SNAP47: variants seen among roughly 807,000 people sequenced by gnomAD.
SNAP47 encodes the protein synaptosomal-associated protein 47.
SNAP47 carries 20 observed loss-of-function variants against 31.4 expected under a neutral mutation model. That is an observed-to-expected ratio of 0.64 (90% CI 0.45 to 0.93). The LOEUF is 0.93. SNAP47 is among the 40% of genes least tolerant of loss of function. SNAP47 has a pLI of 0.00. For missense variants in SNAP47, 492 were observed against 528.5 expected, an observed-to-expected ratio of 0.93 and a Z score of 0.68; for synonymous variants, 194 against 213.4, an observed-to-expected ratio of 0.91 and a Z score of 0.79.
chr1:227,736,983 A>G (rs1045809104), intron 1 of SNAP47, among the ~76,000 whole-genome samples: 11 of 152,212 alleles, frequency 7.2e-5, no homozygotes, highest in African/African-American at 2.7e-4. Context: ...GCTCAGGGCC[A>G]AGGCCGTTTT....
rs1422468564 is a variant in SNAP47 at position 227,741,396 on chromosome 1, G to A, written c.-46+5897G>A. Among the ~76,000 whole-genome samples the A allele has an allele frequency of 6.6e-6, 1 of 152,162 alleles. No homozygotes were observed. The highest frequency in any genetic ancestry group is 1.9e-4 in the East Asian group (1 of 5,196). The stretch of plus-strand genomic sequence containing the variant: ...AGGGTAGTGGCCAGGGAGCCAGGGT[G>A]CAGTGACTCTCAGCAAGGCCCCTTG... On this transcript the variant is annotated intron_variant, in intron 1 of 4. Coordinates refer to ENST00000617596, the MANE Select transcript of SNAP47 (RefSeq NM_053052.4). This position sits in a 1 kb window ranked among gnomAD's most constrained non-coding sequence, Gnocchi z 4.2.
At chr1:227,734,867 C>G, upstream of SNAP47, 1 of 1,606,870 alleles carries the variant, frequency 6.2e-7, no homozygotes, top group Non-Finnish European at 8.5e-7. Flanking sequence ...CGTCCTCACT[C>G]CAAACCGTCT....
At chr1:227,740,253 C>T (rs185558295) in intron 1 of SNAP47, among the ~76,000 whole-genome samples, 123 of 152,280 alleles carry the variant, frequency 8.1e-4, no homozygotes, top group African/African-American at 2.7e-3. Flanking sequence ...CAGGGGAAGG[C>T]CAGGGCAGGG....
chr1:227,769,052 C>T (rs1558212274), intron 4 of SNAP47, among the ~76,000 whole-genome samples: 2 of 152,198 alleles, frequency 1.3e-5, no homozygotes, highest in Non-Finnish European at 1.5e-5. Flanking sequence ...TCACGTGTGG[C>T]GTGTTCTTCA....
At position 227,775,435 on chromosome 1, in the gene SNAP47, C is replaced by T. The variant is rs114176834; in HGVS notation, c.1114-5092C>T. On this transcript the variant is annotated intron_variant, in intron 4 of 4. Coordinates refer to ENST00000617596, the MANE Select transcript of SNAP47 (RefSeq NM_053052.4). The stretch of plus-strand genomic sequence containing the variant: ...AGCCCAGCTAACAGCAGACTGCTCT[C>T]GGTGCTTGGCTTGGTACGGTGATGT... 4.4e-3 allele frequency among the ~76,000 whole-genome samples: 667 copies of T among 152,280 alleles called. 5 individuals carry two copies. Among genetic ancestry groups the T allele is most frequent in the African/African-American group, 0.015 (622 of 41,568 alleles).
rs532790114 is a variant in SNAP47 at position 227,764,452 on chromosome 1, G to A, written c.989-2507G>A. 5.9e-5 allele frequency among the ~76,000 whole-genome samples: 9 copies of A among 152,328 alleles called. No individual in the cohort carries two copies. The South Asian group carries it at 1.9e-3, about 32-fold the overall frequency. ...AAATGAAAGCCATGTCGTAGGTAGG[G>A]AGGCCCAGGGGCTCTGCCCTGAAGA... is the stretch of plus-strand genomic sequence containing the variant. On this transcript the variant is annotated intron_variant, in intron 3 of 4. Transcript: ENST00000617596.
chr1:227,754,422 CCT>C (rs1407219260), intron 2 of SNAP47, among the ~76,000 whole-genome samples: 1 of 152,204 alleles, frequency 6.6e-6, no homozygotes, highest in Non-Finnish European at 1.5e-5. Flanking sequence ...AACAAAAATG[CCT>C]GTCTTTACCT....
chr1:227,732,428 C>A, upstream of SNAP47: 1 of 1,613,050 alleles, frequency 6.2e-7, no homozygotes, highest in Non-Finnish European at 8.5e-7. Context: ...CCTCTCTCAG[C>A]TGCTGCAGCA....
At chr1:227,738,940 G>A (rs1276629718) in intron 1 of SNAP47, among the ~76,000 whole-genome samples, 1 of 152,178 alleles carries the variant, frequency 6.6e-6, no homozygotes, top group Non-Finnish European at 1.5e-5. Context: ...TGGAGCTCTC[G>A]TTCTTGAGAT....
At chr1:227,734,041 A>G (rs1158376994), upstream of SNAP47, 7 of 1,611,198 alleles carry the variant, frequency 4.3e-6, no homozygotes, top group Non-Finnish European at 5.9e-6. Context: ...CCCTGTGAGG[A>G]GGGCGCAAGG....
At chr1:227,735,850 C>CGGGATCTGGAGGGGACGGT (rs1661103359) in intron 1 of SNAP47, 1 of 488,002 alleles carries the variant, frequency 2.0e-6, no homozygotes, top group African/African-American at 2.3e-5. Flanking sequence ...GGGATGGAGA[C>CGGGATCTGGAGGGGACGGT]GGGATCTGGA....
rs1211367769 is a variant in SNAP47, at chr1:227,759,417, A to G, written c.920A>G (p.Asp307Gly). The G allele has an allele frequency of 1.2e-6, 2 of 1,614,226 alleles. No homozygotes were observed. Among genetic ancestry groups the G allele is most frequent in the Non-Finnish European group, 1.7e-6 (2 of 1,180,040 alleles). ...AGCAAGAAGATGGAGCTGTTAGAAG[A>G]TGCATTGGTGCTCAGAAGCGCAAGA... is the stretch of plus-strand genomic sequence containing the variant. ...QFSKKMELLE[D>G]ALVLRSARTS... The change falls in exon 3 of 5, where the codon GAT becomes GGT. Residue 307 changes from aspartate (D) to glycine (G), a missense_variant. Physicochemically the swap from Asp to Gly is moderately conservative, Grantham distance 94 (BLOSUM62 -1). Coordinates refer to ENST00000617596, the MANE Select transcript of SNAP47 (RefSeq NM_053052.4).
At chr1:227,743,042 G>T (rs944452340) in intron 1 of SNAP47, among the ~76,000 whole-genome samples, 1 of 152,194 alleles carries the variant, frequency 6.6e-6, no homozygotes, top group Non-Finnish European at 1.5e-5. Flanking sequence ...TGACCCTGGG[G>T]GTGTAGCTAG....
chr1:227,732,180 C>T, upstream of SNAP47: 2 of 610,248 alleles, frequency 3.3e-6, no homozygotes, highest in South Asian at 4.1e-5. Flanking sequence ...AGGCCTGCTG[C>T]AGGTCAGAAG....
rs114667316 is a variant in SNAP47 at position 227,780,446 on chromosome 1, G to A, written c.1114-81G>A. 2.8e-3 allele frequency: 4,448 copies of A among 1,581,328 alleles called. 119 individuals are homozygous for A. The African/African-American group carries it at 0.053, about 19-fold the overall frequency. On this transcript the variant is annotated intron_variant, in intron 4 of 4. Coordinates refer to ENST00000617596, the MANE Select transcript of SNAP47 (RefSeq NM_053052.4). ...CAGGTGGTAACGCAAAGGCTCTTGGGTGTGTGAGAGGGGGAGATGTTGTCT... is the reference window on the plus strand; with the variant it reads ...CAGGTGGTAACGCAAAGGCTCTTGGATGTGTGAGAGGGGGAGATGTTGTCT...
chr1:227,734,839 T>C (rs1660962282), upstream of SNAP47: 3 of 1,612,770 alleles, frequency 1.9e-6, no homozygotes, highest in Non-Finnish European at 2.5e-6. Flanking sequence ...GCACGGTCCA[T>C]GCCATCTCCC....
chr1:227,766,374 A>C (rs1280631335), intron 3 of SNAP47, among the ~76,000 whole-genome samples: 1 of 152,230 alleles, frequency 6.6e-6, no homozygotes, highest in East Asian at 1.9e-4. Flanking sequence ...CCTCTGCAGG[A>C]GGCACACTGG....
At chr1:227,736,464 A>G (rs968847969) in intron 1 of SNAP47, 1 of 148,904 alleles carries the variant, frequency 6.7e-6, no homozygotes, top group Admixed American at 6.7e-5. Context: ...TTGGGATACC[A>G]AAGAAAGAAG....
upstream of SNAP47, chr1:227,735,348 C>G (rs1355440638): frequency 6.3e-7 from 1 of 1,596,072 alleles, no homozygotes; most frequent in Admixed American, 1.7e-5. Flanking sequence ...AGCCTCGGAA[C>G]CAGAAGACGC....
Sources: gnomAD v4.1 joint callset for allele counts (sites outside exome capture counted in the v4.1 genomes callset) on GRCh38, gnomAD v4.1.1 for gene constraint, Gnocchi (gnomAD v3.1) non-coding constraint, MANE v1.5 for transcripts, NCBI Gene and HGNC (gene_info 2026-07-23, HGNC 2026-07-21) for gene names.